The following JAK2 variants were observed in gnomAD, a reference collection of about 807,000 sequenced individuals.
JAK2 encodes tyrosine-protein kinase JAK2.
A neutral mutation model predicts 139.3 loss-of-function variants in JAK2; 86 were observed. The observed-to-expected ratio is 0.62, with a 90% CI of 0.52 to 0.74. The LOEUF (loss-of-function observed/expected upper bound fraction) is 0.74, where lower values mean the gene tolerates loss of function less well. Among genes scored for constraint, JAK2 ranks in the 30% least tolerant of loss-of-function variants. The probability of loss-of-function intolerance (pLI) is 0.00; values close to 1 mark genes in which losing one functional copy is unlikely to be tolerated. For synonymous variants in JAK2, 490 were observed against 437.7 expected (o/e 1.12, Z -1.49); for missense variants, 1,421 against 1,360.3 (o/e 1.04, Z -0.70).
chr9:4,996,019 C>A (rs1450773080), intron 2 of JAK2, among the ~76,000 whole-genome samples: 2 of 152,116 alleles, frequency 1.3e-5, no homozygotes, highest in African/African-American at 4.8e-5. Flanking sequence ...CTTGTCATTT[C>A]ATAATGGCAA....
intron 8 of JAK2, among the ~76,000 whole-genome samples, chr9:5,057,922 C>T (rs1480996083): frequency 1.3e-5 from 2 of 152,022 alleles, no homozygotes; most frequent in Non-Finnish European, 2.9e-5. Context: ...CTCTAGATAC[C>T]TCATAAAAGC....
chr9:5,086,733 A>G (rs990428657), intron 19 of JAK2, among the ~76,000 whole-genome samples: 1 of 152,238 alleles, frequency 6.6e-6, no homozygotes, highest in African/African-American at 2.4e-5. Context: ...ATAACTTTAT[A>G]GCCTTTGGCT....
chr9:5,076,326 T>G (rs1478183677), intron 14 of JAK2, among the ~76,000 whole-genome samples: 2 of 152,284 alleles, frequency 1.3e-5, no homozygotes, highest in Non-Finnish European at 2.9e-5. Context: ...GAGAAATCTT[T>G]CATGAAAGGA....
At chr9:5,043,479 G>A (rs1384000134) in intron 4 of JAK2, among the ~76,000 whole-genome samples, 1 of 152,178 alleles carries the variant, frequency 6.6e-6, no homozygotes, top group Non-Finnish European at 1.5e-5. Flanking sequence ...GACTAATTTG[G>A]ATGCAGTATA....
chr9:5,127,204 A>G lies in JAK2; in HGVS notation c.*413A>G, dbSNP rs1051798353. The G allele has an allele frequency of 8.5e-6, 2 of 234,644 alleles. No homozygotes were observed. The highest frequency in any genetic ancestry group is 4.4e-5 in the African/African-American group (2 of 45,292). The allele number at this position is 234,644 out of a possible 1,614,324, so 14.5% of individuals were successfully genotyped here. On this transcript the variant is annotated 3_prime_UTR_variant, in exon 25 of 25. Coordinates refer to ENST00000381652, the MANE Select transcript of JAK2 (RefSeq NM_004972.4). ...GTATAATACCTTGGCATCTTGTGTG[A>G]TGTTTTACACACATGAGGGCTGGTG... is the stretch of plus-strand genomic sequence containing the variant.
intron 2 of JAK2, among the ~76,000 whole-genome samples, chr9:4,987,977 GAT>G (rs1820057810): frequency 1.3e-5 from 2 of 152,140 alleles, no homozygotes; most frequent in Admixed American, 6.5e-5. Flanking sequence ...AGTATAAAGA[GAT>G]AAAGGACTTC....
At chr9:5,083,959 CCATT>C (rs1439342668) in intron 19 of JAK2, among the ~76,000 whole-genome samples, 5 of 151,872 alleles carry the variant, frequency 3.3e-5, no homozygotes, top group African/African-American at 7.2e-5. Context: ...CAAGATTTTC[CCATT>C]ATTAATATTC....
intron 8 of JAK2, 126 bp from the exon 9 acceptor site, chr9:5,064,757 G>A (rs984664827): frequency 1.7e-6 from 1 of 601,604 alleles, no homozygotes; most frequent in Non-Finnish European, 2.8e-6. Flanking sequence ...ATTGAGTACT[G>A]AGCCATAAAA....
chr9:5,088,985 C>T (rs948639544), intron 19 of JAK2, among the ~76,000 whole-genome samples: 2 of 152,184 alleles, frequency 1.3e-5, no homozygotes, highest in African/African-American at 2.4e-5. Context: ...CCATCCAGAT[C>T]ACTGACAGTG....
At chr9:5,085,402 G>C (rs562210852) in intron 19 of JAK2, 2 of 807,528 alleles carry the variant, frequency 2.5e-6, no homozygotes, top group South Asian at 2.6e-5. Flanking sequence ...TCCTAGAACA[G>C]AGACTGCTTT....
intron 6 of JAK2, among the ~76,000 whole-genome samples, chr9:5,052,895 C>T (rs1441789824): frequency 6.6e-6 from 1 of 152,028 alleles, no homozygotes; most frequent in Non-Finnish European, 1.5e-5. Context: ...TTGTTCTTCA[C>T]TTGATGAAAA....
intron 22 of JAK2, among the ~76,000 whole-genome samples, chr9:5,115,242 T>C (rs1466398627): frequency 1.3e-5 from 2 of 151,580 alleles, no homozygotes; most frequent in East Asian, 3.9e-4. Flanking sequence ...CATCAAAAAG[T>C]GGGTAAAGGA....
chr9:5,128,520 A>ACTT lies in JAK2; in HGVS notation c.*1730_*1732dup, dbSNP rs1161821782. The stretch of plus-strand genomic sequence containing the variant: ...CTTGATTTCAGATTTTCATACTAAA[A>ACTT]CTTAACTACATACTTAAAAGTAGGT... On this transcript the variant is annotated 3_prime_UTR_variant, in exon 25 of 25. Transcript: ENST00000381652. Among the ~76,000 whole-genome samples the ACTT allele has an allele frequency of 2.6e-5, 4 of 151,884 alleles. No individual in the cohort carries two copies. Among genetic ancestry groups the ACTT allele is most frequent in the Admixed American group, 2.0e-4 (3 of 15,240 alleles).
chr9:4,996,556 G>A (rs1820572346), intron 2 of JAK2, among the ~76,000 whole-genome samples: 1 of 151,724 alleles, frequency 6.6e-6, no homozygotes, highest in Admixed American at 6.6e-5. Context: ...ATGAGGTATT[G>A]TAGATTTTTT....
chr9:5,094,653 C>T (rs188724612), intron 22 of JAK2: 2 of 152,226 alleles, frequency 1.3e-5, no homozygotes, highest in East Asian at 1.9e-4. Flanking sequence ...AAAAACTAAC[C>T]GAGCCCCTTT....
intron 3 of JAK2, among the ~76,000 whole-genome samples, chr9:5,026,739 A>C (rs922810476): frequency 6.6e-6 from 1 of 152,064 alleles, no homozygotes; most frequent in African/African-American, 2.4e-5. Context: ...GTATGTGTGA[A>C]TGTTCTATAT....
At chr9:5,087,207 C>G (rs561242723) in intron 19 of JAK2, among the ~76,000 whole-genome samples, 158 of 152,220 alleles carry the variant, frequency 1.0e-3, no homozygotes, top group Admixed American at 2.3e-3. Context: ...TGACAGTTAC[C>G]CATGGCTGGG....
chr9:5,085,460 G>C, intron 19 of JAK2: 2 of 732,136 alleles, frequency 2.7e-6, no homozygotes, highest in Non-Finnish European at 5.2e-6. Context: ...GTCTTTTCAA[G>C]GTATTGTGCA....
intron 2 of JAK2, among the ~76,000 whole-genome samples, chr9:5,019,728 G>T (rs899276462): frequency 5.3e-5 from 8 of 152,264 alleles, no homozygotes; most frequent in Non-Finnish European, 4.4e-5. Context: ...TGGGGTGTTT[G>T]TTGGCCAGGG....
Sources: gnomAD v4.1 joint callset for allele counts (sites outside exome capture counted in the v4.1 genomes callset) on GRCh38, gnomAD v4.1.1 for gene constraint, MANE v1.5 for transcripts, NCBI Gene and HGNC (gene_info 2026-07-23, HGNC 2026-07-21) for gene names.